The following CADPS variants were observed in gnomAD, a reference collection of about 807,000 sequenced individuals.
CADPS encodes calcium-dependent secretion activator 1.
CADPS carries 57 observed loss-of-function variants against 167.3 expected under a neutral mutation model. That is an observed-to-expected ratio of 0.34 (90% CI 0.28 to 0.42). CADPS has a LOEUF of 0.42. Among genes scored for constraint, CADPS ranks in the 20% least tolerant of loss-of-function variants. The probability of loss-of-function intolerance (pLI) is 1.00; values close to 1 mark genes in which losing one functional copy is unlikely to be tolerated. For missense variants in CADPS, 1,414 were observed against 1,738.1 expected (o/e 0.81, Z 3.32); for synonymous variants, 676 against 635.3 (o/e 1.06, Z -0.96).
intron 1 of CADPS, among the ~76,000 whole-genome samples, chr3:62,856,968 A>G (rs2079825286): frequency 6.6e-6 from 1 of 151,546 alleles, no homozygotes; most frequent in South Asian, 2.1e-4. Context: ...GGAATTATAA[A>G]GAGGAAAAGT....
At chr3:62,754,701 G>A (rs1443127431) in intron 2 of CADPS, among the ~76,000 whole-genome samples, 1 of 152,144 alleles carries the variant, frequency 6.6e-6, no homozygotes, top group East Asian at 1.9e-4. Context: ...TGTTGCCTAG[G>A]CCAGTATGTA....
At position 62,868,561 on chromosome 3, in the gene CADPS, T is replaced by G. The variant is rs560193530; in HGVS notation, c.441+6028A>C. On this transcript the variant is annotated intron_variant, in intron 1 of 29. Transcript: ENST00000383710. ...TAAATGTTGAGAACTAATTCACAAT[T>G]TGAAAAGCGCTTTGTGGACAAAATG... Among the ~76,000 whole-genome samples the G allele has an allele frequency of 7.2e-5, 11 of 152,256 alleles. No homozygotes were observed. The South Asian group carries it at 2.3e-3, about 32-fold the overall frequency.
At position 62,446,495 on chromosome 3, in the gene CADPS, C is replaced by T. The variant is rs1412085457; in HGVS notation, c.3637-698G>A. Reference sequence around the variant, plus strand: ...ATCTCAGTTCGAATCCCAACTCTACCACTTACAAGCTGTGTGACCTTGGGC... The same window carrying T: ...ATCTCAGTTCGAATCCCAACTCTACTACTTACAAGCTGTGTGACCTTGGGC... On this transcript the variant is annotated intron_variant, in intron 26 of 29. Transcript: ENST00000383710. The surrounding 1 kb of genome is among the most constrained non-coding windows in gnomAD (Gnocchi z 4.9). Among the ~76,000 whole-genome samples the T allele has an allele frequency of 1.3e-5, 2 of 152,116 alleles. No individual in the cohort carries two copies. The highest frequency in any genetic ancestry group is 2.9e-5 in the Non-Finnish European group (2 of 68,024).
chr3:62,530,879 A>C (rs2073501009), intron 13 of CADPS: 1 of 830,628 alleles, frequency 1.2e-6, no homozygotes, highest in South Asian at 3.0e-5. Context: ...AATCAAGAGC[A>C]CACGCACATG....
intron 9 of CADPS, among the ~76,000 whole-genome samples, chr3:62,564,885 A>G (rs1372753854): frequency 1.3e-5 from 2 of 152,194 alleles, no homozygotes; most frequent in East Asian, 1.9e-4. Flanking sequence ...GATTACAGGC[A>G]TGAGCCACCA....
chr3:62,429,205 G>C (rs897393177), intron 28 of CADPS, among the ~76,000 whole-genome samples: 3 of 152,138 alleles, frequency 2.0e-5, no homozygotes, highest in African/African-American at 7.2e-5. Flanking sequence ...AAATAAGTTT[G>C]AAGTAATTGA....
At chr3:62,860,469 T>C (rs534006737) in intron 1 of CADPS, among the ~76,000 whole-genome samples, 1 of 152,310 alleles carries the variant, frequency 6.6e-6, no homozygotes, top group Admixed American at 6.5e-5. Flanking sequence ...AATCTGCATA[T>C]GCTCAAGTCT....
At chr3:62,844,726 T>C (rs575832125) in intron 1 of CADPS, among the ~76,000 whole-genome samples, 2 of 152,180 alleles carry the variant, frequency 1.3e-5, no homozygotes, top group Admixed American at 6.5e-5. Flanking sequence ...ATTGGGAAAA[T>C]CGATTCTTAG....
At chr3:62,626,516 G>T in intron 6 of CADPS, 1 of 702,816 alleles carries the variant, frequency 1.4e-6, no homozygotes, top group Non-Finnish European at 2.6e-6. Context: ...ATGGCACAAA[G>T]ACGGGACATC....
At chr3:62,780,804 A>T (rs2091422489) in intron 1 of CADPS, among the ~76,000 whole-genome samples, 2 of 152,150 alleles carry the variant, frequency 1.3e-5, no homozygotes, top group Non-Finnish European at 2.9e-5. Flanking sequence ...CAGCTTTTCC[A>T]TCTTGCTAGT....
chr3:62,802,152 G>A (rs540368693), intron 1 of CADPS, among the ~76,000 whole-genome samples: 1 of 152,098 alleles, frequency 6.6e-6, no homozygotes. Context: ...ATAAGGCCAA[G>A]CCAAATTTTG....
chr3:62,476,754 C>A (rs2061375359), intron 23 of CADPS, among the ~76,000 whole-genome samples: 2 of 152,154 alleles, frequency 1.3e-5, no homozygotes, highest in African/African-American at 4.8e-5. Context: ...GCATGTCTTT[C>A]TGTACAATTA....
rs148594486 is a variant in CADPS, at chr3:62,801,024, G to C, written c.442-35040C>G. 3.5e-3 allele frequency among the ~76,000 whole-genome samples: 531 copies of C among 152,196 alleles called. 2 individuals carry two copies. Among genetic ancestry groups the C allele is most frequent in the African/African-American group, 0.012 (495 of 41,540 alleles). On this transcript the variant is annotated intron_variant, in intron 1 of 29. Coordinates refer to ENST00000383710, the MANE Select transcript of CADPS (RefSeq NM_003716.4). ...AGAGTAGAGTCAAGTCAGTCAAATG[G>C]ATCTTGATTTAAGTCCTGGTTTCCC...
intron 26 of CADPS, among the ~76,000 whole-genome samples, chr3:62,451,615 A>G (rs1301870288): frequency 1.3e-5 from 2 of 152,106 alleles, no homozygotes; most frequent in African/African-American, 4.8e-5. Flanking sequence ...CACAAAAAAA[A>G]AGGAAAAAAA....
rs113181832 is a variant in CADPS at position 62,753,426 on chromosome 3, C to T, written c.888+15G>A. 23 of 1,590,250 alleles carry T rather than the reference C, an allele frequency of 1.4e-5. No individual in the cohort carries two copies. The highest frequency in any genetic ancestry group is 1.9e-5 in the Non-Finnish European group (22 of 1,163,448). On this transcript the variant is annotated intron_variant, in intron 3 of 29. Coordinates refer to ENST00000383710, the MANE Select transcript of CADPS (RefSeq NM_003716.4). The surrounding 1 kb of genome is among the most constrained non-coding windows in gnomAD (Gnocchi z 4.6). ...GCTTACCCACAGCTCTAGGCCCAGG[C>T]GAGAAACACCTTACCTGGCAGGCAT...
intron 3 of CADPS, among the ~76,000 whole-genome samples, chr3:62,678,515 G>C (rs986899646): frequency 4.0e-5 from 6 of 151,896 alleles, no homozygotes; most frequent in African/African-American, 1.5e-4. Flanking sequence ...CCACTGGAAT[G>C]AGAAACCACA....
chr3:62,618,920 G>T (rs753090886), intron 6 of CADPS, among the ~76,000 whole-genome samples: 2 of 152,184 alleles, frequency 1.3e-5, no homozygotes, highest in Non-Finnish European at 2.9e-5. Context: ...AGAGCTAACA[G>T]TCTGGATTGT....
intron 9 of CADPS, among the ~76,000 whole-genome samples, chr3:62,562,306 T>G (rs773250822): frequency 4.6e-5 from 7 of 152,184 alleles, no homozygotes; most frequent in Non-Finnish European, 1.0e-4. Context: ...TGATTGGCAC[T>G]GAAGTGAAGG....
chr3:62,736,718 T>C (rs1276397056), intron 3 of CADPS, among the ~76,000 whole-genome samples: 1 of 152,212 alleles, frequency 6.6e-6, no homozygotes, highest in African/African-American at 2.4e-5. Flanking sequence ...AATGCTAGAA[T>C]ATGAAAAGAA....
Sources: allele counts gnomAD v4.1 joint callset (sites outside exome capture counted in the v4.1 genomes callset), GRCh38; gene constraint gnomAD v4.1.1; non-coding constraint Gnocchi (gnomAD v3.1); transcripts MANE v1.5; gene names NCBI Gene and HGNC (gene_info 2026-07-23, HGNC 2026-07-21).